The following WRNIP1 variants were observed in gnomAD, a reference collection of about 807,000 sequenced individuals.
The protein encoded by WRNIP1 is ATPase WRNIP1.
WRNIP1 carries 41 observed loss-of-function variants against 56.1 expected under a neutral mutation model. The observed-to-expected ratio is 0.73, with a 90% CI of 0.57 to 0.95. The LOEUF (loss-of-function observed/expected upper bound fraction) is 0.95, where lower values mean the gene tolerates loss of function less well. Among genes scored for constraint, WRNIP1 ranks in the 40% least tolerant of loss-of-function variants. The probability of loss-of-function intolerance (pLI) is 0.00; values close to 1 mark genes in which losing one functional copy is unlikely to be tolerated. For missense variants in WRNIP1, 1,170 were observed against 939.4 expected (o/e 1.25, Z -3.21); for synonymous variants, 547 against 398.1 (o/e 1.37, Z -4.45).
rs1561919169 is a variant in WRNIP1 at position 2,785,151 on chromosome 6, A to C, written c.1867A>C (p.Thr623Pro). Reference sequence around the variant, plus strand: ...GCCCCTGCACCTGAGGAACGCGCCCACTAGGCTGATGAAGGATTTGGGCTA... The same window carrying C: ...GCCCCTGCACCTGAGGAACGCGCCCCCTAGGCTGATGAAGGATTTGGGCTA... ...PVPLHLRNAP[T>P]RLMKDLGYGK... Residue 623 changes from threonine to proline, a missense_variant, in exon 7 of 7, where the codon ACT becomes CCT. Thr to Pro is a conservative substitution (Grantham distance 38). Coordinates refer to ENST00000380773, the MANE Select transcript of WRNIP1 (RefSeq NM_020135.3). 1.9e-6 allele frequency: 3 copies of C among 1,614,224 alleles called. No individual in the cohort carries two copies. Among genetic ancestry groups the C allele is most frequent in the Non-Finnish European group, 2.5e-6 (3 of 1,180,032 alleles).
chr6:2,774,589 T>C (rs1214150468), intron 3 of WRNIP1, among the ~76,000 whole-genome samples: 2 of 152,218 alleles, frequency 1.3e-5, no homozygotes, highest in African/African-American at 4.8e-5. Context: ...CTTAGTTACA[T>C]CTACAAAGAC....
rs1175977778 is a variant in WRNIP1, at chr6:2,786,018, T to A, written c.*736T>A. On this transcript the variant is annotated 3_prime_UTR_variant, in exon 7 of 7. Transcript: ENST00000380773. Reference sequence around the variant, plus strand: ...CTGGTTTCTTCTTGCAGCTCCATATTTCTAAACAGTCGTTTTTCTTTTACT... The same window carrying A: ...CTGGTTTCTTCTTGCAGCTCCATATATCTAAACAGTCGTTTTTCTTTTACT... 1 of 152,016 alleles carries A rather than the reference T, an allele frequency of 6.6e-6. No homozygotes were observed. Among genetic ancestry groups the A allele is most frequent in the Non-Finnish European group, 1.5e-5 (1 of 67,892 alleles). 9.4% of individuals were successfully genotyped at this position (152,016 alleles called of 1,614,324 possible).
intron 3 of WRNIP1, among the ~76,000 whole-genome samples, chr6:2,776,819 A>G (rs768116011): frequency 1.2e-4 from 18 of 152,242 alleles, no homozygotes; most frequent in Non-Finnish European, 2.5e-4. Context: ...TACATACAAA[A>G]GACAAATTCA....
intron 5 of WRNIP1, among the ~76,000 whole-genome samples, chr6:2,783,999 A>C (rs1161735805): frequency 6.6e-6 from 1 of 152,042 alleles, no homozygotes; most frequent in Non-Finnish European, 1.5e-5. Flanking sequence ...GTCTTAGGGG[A>C]TGTTTTGTTT....
intron 3 of WRNIP1, among the ~76,000 whole-genome samples, chr6:2,778,490 T>C (rs562190414): frequency 3.3e-5 from 5 of 152,178 alleles, no homozygotes; most frequent in Non-Finnish European, 5.9e-5. Context: ...AATTTAGAAA[T>C]GTGACTGTAA....
Position 2,785,420 on chromosome 6 carries a change from A to T in WRNIP1, c.*138A>T. ...TGTGCCAGAAATTTAAGAGTTCCAT[A>T]GGTGGAGGCGCAGTTCTTTCGAATA... On this transcript the variant is annotated 3_prime_UTR_variant, in exon 7 of 7. Coordinates refer to ENST00000380773, the MANE Select transcript of WRNIP1 (RefSeq NM_020135.3). 4 of 920,958 alleles carry T rather than the reference A, an allele frequency of 4.3e-6. No individual in the cohort carries two copies. The highest frequency in any genetic ancestry group is 6.4e-6 in the Non-Finnish European group (4 of 621,828). 57.0% of individuals were successfully genotyped at this position (920,958 alleles called of 1,614,324 possible).
intron 4 of WRNIP1, 139 bp downstream of exon 4, chr6:2,779,631 G>A: frequency 1.1e-6 from 1 of 905,688 alleles, no homozygotes; most frequent in Admixed American, 2.4e-5. Flanking sequence ...AGGTGGATCT[G>A]CATGTTGGTA....
At chr6:2,770,566 A>G (rs1765239144) in intron 3 of WRNIP1, among the ~76,000 whole-genome samples, 1 of 152,242 alleles carries the variant, frequency 6.6e-6, no homozygotes, top group Admixed American at 6.5e-5. Context: ...TGCATTTTCC[A>G]GCCTCTAATA....
At chr6:2,770,008 A>G (rs759127952) in intron 2 of WRNIP1, 112 bp from the exon 3 acceptor site, 355 of 1,472,676 alleles carry the variant, frequency 2.4e-4, no homozygotes, top group Non-Finnish European at 3.1e-4. Flanking sequence ...GCTATTCCTG[A>G]ACTCGAAAGA....
rs1393582572 is a variant in WRNIP1, at chr6:2,766,422, G to A, written c.800G>A (p.Trp267Ter). ...ETNEIPSLILWGPPGCGKTTL... is the reference protein window; with the variant it reads ...ETNEIPSLIL ...AACGAAATCCCCTCGCTTATCCTGT[G>A]GGGGCCGCCGGGCTGCGGCAAGGTG... The change falls in exon 1 of 7, where the codon TGG becomes TAG. Residue 267 changes from tryptophan to a stop codon, truncating the protein, a stop_gained. Coordinates refer to ENST00000380773, the MANE Select transcript of WRNIP1 (RefSeq NM_020135.3). LOFTEE classifies it high-confidence loss of function. The A allele has an allele frequency of 1.3e-6, 2 of 1,588,078 alleles. No individual in the cohort carries two copies. The highest frequency in any genetic ancestry group is 2.3e-5 in the South Asian group (2 of 88,560).
rs1765721907 is a variant in WRNIP1, at chr6:2,786,672, A to G, written c.*1390A>G. ...AGACGTGTCTGAGGGTTTGGCTAGT[A>G]ATAAATTGTAGGTAAGAAATTACTT... On this transcript the variant is annotated 3_prime_UTR_variant, in exon 7 of 7. Transcript: ENST00000380773. 1 of 134,798 alleles carries G rather than the reference A, an allele frequency of 7.4e-6. No individual in the cohort carries two copies. The highest frequency in any genetic ancestry group is 1.7e-5 in the Non-Finnish European group (1 of 59,694). 8.4% of individuals were successfully genotyped at this position (134,798 alleles called of 1,614,324 possible).
At chr6:2,773,394 A>G in intron 3 of WRNIP1, 2 of 985,426 alleles carry the variant, frequency 2.0e-6, no homozygotes, top group Non-Finnish European at 2.4e-6. Flanking sequence ...AATATGTGAA[A>G]TCCAGTATTT....
rs1427844084 is a variant in WRNIP1 at position 2,768,709 on chromosome 6, A to T, written c.841A>T (p.Ile281Leu). 6.2e-6 allele frequency: 10 copies of T among 1,611,586 alleles called. No individual in the cohort carries two copies. Among genetic ancestry groups the T allele is most frequent in the African/African-American group, 1.3e-5 (1 of 74,810 alleles). ...TTTCTAGACCACTCTGGCTCACATCATAGCCAGCAACAGCAAGAAACATAG... is the reference window on the plus strand; with the variant it reads ...TTTCTAGACCACTCTGGCTCACATCTTAGCCAGCAACAGCAAGAAACATAG... Reference protein sequence around the residue: ...GCGKTTLAHIIASNSKKHSIR... With the variant: ...GCGKTTLAHILASNSKKHSIR... The change falls in exon 2 of 7, where the codon ATA (isoleucine) becomes TTA (leucine). Residue 281 changes from isoleucine to leucine, a missense_variant. Transcript: ENST00000380773.
At position 2,770,149 on chromosome 6, in the gene WRNIP1, G is replaced by C. The variant is rs754847977; in HGVS notation, c.1044G>C (p.Gly348=). 2 of 1,614,080 alleles carry C rather than the reference G, an allele frequency of 1.2e-6. No individual in the cohort carries two copies. Among genetic ancestry groups the C allele is most frequent in the Non-Finnish European group, 1.7e-6 (2 of 1,180,034 alleles). Residue 348 remains glycine (G), a synonymous_variant, in exon 3 of 7, where the codon GGG becomes GGC. Coordinates refer to ENST00000380773, the MANE Select transcript of WRNIP1 (RefSeq NM_020135.3). ...CTTTCCTTCCTCACGTGGAATGTGG[G>C]ACGATCACTCTGATTGGGGCAACCA... ...QDTFLPHVEC[G]TITLIGATTE...
rs780668658 is a variant in WRNIP1, at chr6:2,770,200, C to A, written c.1095C>A (p.Asn365Lys). 6.2e-7 allele frequency: 1 copy of A among 1,614,178 alleles called. No individual in the cohort carries two copies. The highest frequency in any genetic ancestry group is 8.5e-7 in the Non-Finnish European group (1 of 1,180,028). ...CTGAAAACCCTTCCTTCCAGGTCAA[C>A]GCTGCTCTTCTGAGCCGCTGTCGAG... is the stretch of plus-strand genomic sequence containing the variant. The part of the protein sequence containing the change: ...ATTENPSFQV[N>K]AALLSRCRVI... The change falls in exon 3 of 7, where the codon AAC (asparagine) becomes AAA (lysine). Residue 365 changes from asparagine (N) to lysine (K), a missense_variant. Coordinates refer to ENST00000380773, the MANE Select transcript of WRNIP1 (RefSeq NM_020135.3).
chr6:2,768,767 C>T lies in WRNIP1; in HGVS notation c.899C>T (p.Ala300Val). The part of the protein sequence containing the change: ...IRFVTLSATN[A>V]KTNDVRDVIK... ...TTTGTGACATTATCTGCAACAAATG[C>T]CAAGACAAATGATGTGCGAGATGTC... The change falls in exon 2 of 7, where the codon GCC becomes GTC. Residue 300 changes from alanine to valine, a missense_variant. Physicochemically the swap from Ala to Val is moderately conservative, Grantham distance 64. Transcript: ENST00000380773. 1 of 1,613,572 alleles carries T rather than the reference C, an allele frequency of 6.2e-7. No individual in the cohort carries two copies. Among genetic ancestry groups the T allele is most frequent in the Non-Finnish European group, 8.5e-7 (1 of 1,179,700 alleles).
At chr6:2,774,901 AT>A (rs1223854336) in intron 3 of WRNIP1, among the ~76,000 whole-genome samples, 28 of 152,306 alleles carry the variant, frequency 1.8e-4, no homozygotes, top group African/African-American at 6.5e-4. Flanking sequence ...GATGAGGGTG[AT>A]TCTCCTCGCT....
At chr6:2,771,491 A>G (rs1187665607) in intron 3 of WRNIP1, among the ~76,000 whole-genome samples, 4 of 152,178 alleles carry the variant, frequency 2.6e-5, no homozygotes, top group African/African-American at 9.7e-5. Flanking sequence ...GAAGTGCTTT[A>G]TGTGGTGGGC....
rs1582160350 is a variant in WRNIP1 at position 2,766,058 on chromosome 6, G to C, written c.436G>C (p.Ala146Pro). The change falls in exon 1 of 7, where the codon GCC (alanine) becomes CCC (proline). Residue 146 changes from alanine to proline, a missense_variant. Physicochemically the swap from Ala to Pro is conservative, Grantham distance 27. Transcript: ENST00000380773. ...RKGSGKRPAA[A>P]AAAGSASPRS... is the part of the protein sequence containing the mutation. ...GGGGTCGGGGAAGAGGCCGGCGGCCGCCGCCGCGGCGGGGAGCGCGTCTCC... is the reference window on the plus strand; with the variant it reads ...GGGGTCGGGGAAGAGGCCGGCGGCCCCCGCCGCGGCGGGGAGCGCGTCTCC... The C allele has an allele frequency of 7.7e-7, 1 of 1,293,644 alleles. No homozygotes were observed. The highest frequency in any genetic ancestry group is 2.4e-5 in the South Asian group (1 of 41,640). The allele number at this position is 1,293,644 out of a possible 1,614,324, so 80.1% of individuals were successfully genotyped here.
Sources: allele counts gnomAD v4.1 joint callset (sites outside exome capture counted in the v4.1 genomes callset), GRCh38; gene constraint gnomAD v4.1.1; transcripts MANE v1.5; gene names NCBI Gene and HGNC (gene_info 2026-07-23, HGNC 2026-07-21).